PNPLA7: variants seen among roughly 807,000 people sequenced by gnomAD.
The protein encoded by PNPLA7 is patatin-like phospholipase domain-containing protein 7.
PNPLA7 carries 153 observed loss-of-function variants against 161.7 expected under a neutral mutation model. The ratio of observed to expected loss-of-function variants is 0.95; its 90% CI spans 0.83 to 1.08. The LOEUF (loss-of-function observed/expected upper bound fraction) is 1.08, where lower values mean the gene tolerates loss of function less well. Ranked by LOEUF, PNPLA7 falls within the 50% of genes least tolerant of loss-of-function variation. PNPLA7 has a pLI of 0.00. For synonymous variants in PNPLA7, 809 were observed against 782.1 expected, an observed-to-expected ratio of 1.03 and a Z score of -0.57; for missense variants, 1,739 against 1,856.6, an observed-to-expected ratio of 0.94 and a Z score of 1.16.
chr9:137,530,107 G>T (rs185333567), intron 8 of PNPLA7, among the ~76,000 whole-genome samples: 1 of 152,082 alleles, frequency 6.6e-6, no homozygotes, highest in African/African-American at 2.4e-5. Context: ...TGAGACTAGA[G>T]GTGCGCGCCA....
At chr9:137,516,245 G>T in intron 11 of PNPLA7, 1 of 896,126 alleles carries the variant, frequency 1.1e-6, no homozygotes, top group Non-Finnish European at 1.3e-6. Flanking sequence ...GCGTCCCATT[G>T]GTGGATGTGG....
intron 18 of PNPLA7, among the ~76,000 whole-genome samples, chr9:137,496,256 C>T (rs914620846): frequency 6.6e-5 from 10 of 151,684 alleles, no homozygotes; most frequent in Admixed American, 2.0e-4. Context: ...TACAGGCACC[C>T]GCCACCACAC....
At chr9:137,498,531 G>A (rs1295620599) in intron 16 of PNPLA7, among the ~76,000 whole-genome samples, 1 of 152,234 alleles carries the variant, frequency 6.6e-6, no homozygotes, top group African/African-American at 2.4e-5. Flanking sequence ...GTCAGGCTGC[G>A]GTCCTGGCAG....
intron 25 of PNPLA7, among the ~76,000 whole-genome samples, chr9:137,477,429 G>T (rs1831989773): frequency 6.6e-6 from 1 of 152,126 alleles, no homozygotes; most frequent in South Asian, 2.1e-4. Flanking sequence ...CAGAGGAGGA[G>T]GTGCAAAGGG....
intron 12 of PNPLA7, among the ~76,000 whole-genome samples, chr9:137,507,595 G>A (rs935464497): frequency 6.6e-6 from 1 of 152,182 alleles, no homozygotes; most frequent in African/African-American, 2.4e-5. Flanking sequence ...CTTGAACCCA[G>A]GAGGCAGAGG....
In PNPLA7 at chr9:137,520,819, C is replaced by T. The variant is rs1024053437; in HGVS notation, c.958-776G>A. On this transcript the variant is annotated intron_variant, in intron 10 of 34. Transcript: ENST00000406427. The surrounding 1 kb of genome is among the most constrained non-coding windows in gnomAD (Gnocchi z 5.2). ...GACAATGCGCTGTACCCTCCAAACG[C>T]GTCACAGTTCAGGGTCAGCTCCGCC... Among the ~76,000 whole-genome samples the T allele has an allele frequency of 3.3e-5, 5 of 152,220 alleles. No individual in the cohort carries two copies. Among genetic ancestry groups the T allele is most frequent in the Admixed American group, 6.5e-5 (1 of 15,282 alleles).
chr9:137,546,983 C>G, intron 3 of PNPLA7, 74 bp from the exon 4 acceptor site: 3 of 1,410,790 alleles, frequency 2.1e-6, no homozygotes, highest in East Asian at 2.3e-5. Flanking sequence ...AGGTGCAGCA[C>G]AGTCAGTCAT....
At position 137,480,557 on chromosome 9, in the gene PNPLA7, G is replaced by T. The variant is rs1423564612; in HGVS notation, c.2412-77C>A. On this transcript the variant is annotated intron_variant, in intron 22 of 34. Coordinates refer to ENST00000406427, the MANE Select transcript of PNPLA7 (RefSeq NM_001098537.3). Reference sequence around the variant, plus strand: ...TAGCACATGTCCCCGGGGCAAAGAGGCAGCAGAGGCCAGCACCAGCCGCTG... The same window carrying T: ...TAGCACATGTCCCCGGGGCAAAGAGTCAGCAGAGGCCAGCACCAGCCGCTG... The T allele has an allele frequency of 8.1e-6, 12 of 1,480,686 alleles. No homozygotes were observed. The East Asian group carries it at 2.8e-4, about 35-fold the overall frequency. The allele number at this position is 1,480,686 out of a possible 1,614,324, so 91.7% of individuals were successfully genotyped here. A position where few individuals can be genotyped will look rare whatever the true frequency, so the allele number is the denominator to read the frequency against.
At chr9:137,489,216 C>T (rs1389760354) in intron 20 of PNPLA7, among the ~76,000 whole-genome samples, 2 of 152,202 alleles carry the variant, frequency 1.3e-5, no homozygotes, top group East Asian at 1.9e-4. Context: ...GTCAGGTGTT[C>T]GGGTCTGAGA....
At chr9:137,477,676 C>A (rs888318029) in intron 25 of PNPLA7, among the ~76,000 whole-genome samples, 2 of 152,220 alleles carry the variant, frequency 1.3e-5, no homozygotes, top group African/African-American at 4.8e-5. Context: ...ATCTCTTGAC[C>A]TCGTGATCTG....
chr9:137,528,732 G>A (rs1333427833), intron 8 of PNPLA7, among the ~76,000 whole-genome samples: 1 of 142,614 alleles, frequency 7.0e-6, no homozygotes. Context: ...ATGGAGTCTC[G>A]CTCTCTTGCC....
In PNPLA7 at chr9:137,462,240, T is replaced by C; in HGVS notation, c.3584A>G (p.Tyr1195Cys). ...EVVKSSDYCE[Y>C]LRPPIDSYST... ...GTAGCTGTCGATGGGGGGGCGCAGGTACTCGCAGTAGTCACTGCTCTTCAC... is the reference window on the plus strand; with the variant it reads ...GTAGCTGTCGATGGGGGGGCGCAGGCACTCGCAGTAGTCACTGCTCTTCAC... The change falls in exon 31 of 35, where the codon TAC becomes TGC. Residue 1195 changes from tyrosine to cysteine, a missense_variant. Tyr to Cys is a radical substitution (Grantham distance 194). This residue lies in a region of PNPLA7 where 703 missense variants were observed against 694.6 expected (regional missense o/e 1.01). Transcript: ENST00000406427. 2 of 1,609,394 alleles carry C rather than the reference T, an allele frequency of 1.2e-6. No homozygotes were observed. Among genetic ancestry groups the C allele is most frequent in the East Asian group, 2.2e-5 (1 of 44,792 alleles).
chr9:137,542,278 G>A (rs1836245540), intron 7 of PNPLA7, among the ~76,000 whole-genome samples: 1 of 152,046 alleles, frequency 6.6e-6, no homozygotes, highest in Non-Finnish European at 1.5e-5. Flanking sequence ...TGATGAGCCC[G>A]GACAACAAAC....
intron 8 of PNPLA7, among the ~76,000 whole-genome samples, chr9:137,531,398 T>C (rs190494565): frequency 1.3e-5 from 2 of 152,318 alleles, no homozygotes; most frequent in East Asian, 3.9e-4. Context: ...CAAAAAACCA[T>C]GCCTTCATAA....
intron 8 of PNPLA7, among the ~76,000 whole-genome samples, chr9:137,534,259 C>T (rs553562306): frequency 5.3e-5 from 8 of 151,034 alleles, no homozygotes; most frequent in African/African-American, 1.7e-4. Context: ...CGGGAGCACT[C>T]CCAGGCTCCT....
intron 12 of PNPLA7, among the ~76,000 whole-genome samples, chr9:137,514,353 C>A (rs1295810435): frequency 7.3e-6 from 1 of 136,720 alleles, no homozygotes; most frequent in African/African-American, 3.0e-5. Flanking sequence ...GGGCTGCGGG[C>A]GGGTCACCCG....
intron 24 of PNPLA7, 52 bp downstream of exon 24, chr9:137,479,004 G>C (rs888943162): frequency 2.7e-6 from 4 of 1,487,624 alleles, no homozygotes; most frequent in Non-Finnish European, 3.6e-6. Context: ...TCGAACGTTC[G>C]AGGAAATGAA....
Position 137,500,312 on chromosome 9 carries a change from G to A in PNPLA7, c.1757+379C>T, listed in dbSNP as rs1467378880. Among the ~76,000 whole-genome samples, 10 of 150,044 alleles carry A rather than the reference G, an allele frequency of 6.7e-5. No homozygotes were observed. The highest frequency in any genetic ancestry group is 1.8e-4 in the African/African-American group (7 of 39,360). ...ACACGTCAGCCCAGGCTGCAGAGGT[G>A]GGACGGCTCACGGCCCCTGAAGCCC... On this transcript the variant is annotated intron_variant, in intron 16 of 34. Coordinates refer to ENST00000406427, the MANE Select transcript of PNPLA7 (RefSeq NM_001098537.3). This position sits in a 1 kb window ranked among gnomAD's most constrained non-coding sequence, Gnocchi z 5.5.
rs763562578 is a variant in PNPLA7 at position 137,493,052 on chromosome 9, C to T, written c.2158G>A (p.Glu720Lys). Residue 720 changes from glutamate to lysine, a missense_variant, in exon 20 of 35, where the codon GAG becomes AAG. Physicochemically the swap from Glu to Lys is moderately conservative, Grantham distance 56 (BLOSUM62 1). Transcript: ENST00000406427. Reference sequence around the variant, plus strand: ...TGCTGGAGGCTGCCCAGGATCTTCTCACCCAAGAGATGAATCAGCCGAGTC... The same window carrying T: ...TGCTGGAGGCTGCCCAGGATCTTCTTACCCAAGAGATGAATCAGCCGAGTC... ...VVTRLIHLLG[E>K]KILGSLQQGP... The T allele has an allele frequency of 6.2e-7, 1 of 1,613,932 alleles. No individual in the cohort carries two copies. The highest frequency in any genetic ancestry group is 1.1e-5 in the South Asian group (1 of 91,088).
Sources: gnomAD v4.1 joint callset for allele counts (sites outside exome capture counted in the v4.1 genomes callset) on GRCh38, gnomAD v4.1.1 for gene constraint, gnomAD v4.1.1 regional missense constraint, Gnocchi (gnomAD v3.1) non-coding constraint, MANE v1.5 for transcripts, NCBI Gene and HGNC (gene_info 2026-07-23, HGNC 2026-07-21) for gene names.